Variants in NR5A1 observed in about 807,000 individuals in gnomAD.
NR5A1 encodes nuclear receptor subfamily 5 group A member 1.
A neutral mutation model predicts 42.7 loss-of-function variants in NR5A1; 6 were observed. The ratio of observed to expected loss-of-function variants is 0.14; its 90% confidence interval spans 0.08 to 0.28. The LOEUF (loss-of-function observed/expected upper bound fraction) is 0.28, where lower values mean the gene tolerates loss of function less well. NR5A1 is among the 10% of genes least tolerant of loss of function. The probability of loss-of-function intolerance (pLI) is 1.00; values close to 1 mark genes in which losing one functional copy is unlikely to be tolerated. For synonymous variants in NR5A1, 274 were observed against 277.5 expected (o/e 0.99, Z 0.12); for missense variants, 442 against 626.4 (o/e 0.71, Z 3.14).
chr9:124,483,119 G>C (rs888932532), intron 6 of NR5A1, 114 bp from the exon 7 acceptor site: 1 of 1,596,524 alleles, frequency 6.3e-7, no homozygotes, highest in Non-Finnish European at 8.5e-7. Flanking sequence ...TCAAAGACAT[G>C]GGCATTGCTG....
intron 5 of NR5A1, 90 bp downstream of exon 5, chr9:124,492,940 G>A: frequency 7.0e-7 from 1 of 1,425,100 alleles, no homozygotes; most frequent in Non-Finnish European, 9.3e-7. Flanking sequence ...GCCCCGAGAG[G>A]CCTGGGTCCT....
At chr9:124,502,878 G>A (rs1450128032) in intron 3 of NR5A1, among the ~76,000 whole-genome samples, 1 of 152,184 alleles carries the variant, frequency 6.6e-6, no homozygotes, top group Non-Finnish European at 1.5e-5. Flanking sequence ...CCCAACCCAG[G>A]CTGGCCTTGC....
intron 1 of NR5A1, among the ~76,000 whole-genome samples, chr9:124,504,118 G>A (rs1468129945): frequency 6.6e-6 from 1 of 151,646 alleles, no homozygotes; most frequent in Non-Finnish European, 1.5e-5. Flanking sequence ...AGAGACAGCG[G>A]AGGCCCGAAG....
rs918344265 is a variant in NR5A1 at position 124,501,686 on chromosome 9, A to C, written c.245-971T>G. Among the ~76,000 whole-genome samples, 1 of 152,144 alleles carries C rather than the reference A, an allele frequency of 6.6e-6. No homozygotes were observed. Among genetic ancestry groups the C allele is most frequent in the Non-Finnish European group, 1.5e-5 (1 of 68,022 alleles). ...TTTCTACTGCCCACAACAGCCAGCT[A>C]TCTGGCCCCTTGGGACCTGGCACTA... On this transcript the variant is annotated intron_variant, in intron 3 of 6. Transcript: ENST00000373588. This position sits in a 1 kb window ranked among gnomAD's most constrained non-coding sequence, Gnocchi z 4.1.
chr9:124,486,262 T>C (rs904915946), intron 6 of NR5A1, among the ~76,000 whole-genome samples: 1 of 152,106 alleles, frequency 6.6e-6, no homozygotes, highest in Non-Finnish European at 1.5e-5. Flanking sequence ...TAACGGAGCC[T>C]CAGTGGCTAC....
chr9:124,486,954 A>T (rs535364172), intron 6 of NR5A1, among the ~76,000 whole-genome samples: 1 of 152,294 alleles, frequency 6.6e-6, no homozygotes, highest in South Asian at 2.1e-4. Flanking sequence ...GGGAAAATTC[A>T]TCTCTGCCTC....
intron 6 of NR5A1, among the ~76,000 whole-genome samples, chr9:124,487,896 T>A (rs1471332938): frequency 6.6e-6 from 1 of 152,192 alleles, no homozygotes; most frequent in Non-Finnish European, 1.5e-5. Flanking sequence ...CTGCCTGCCA[T>A]CCTTTTCCCA....
chr9:124,504,976 C>G (rs1273095447), intron 1 of NR5A1, among the ~76,000 whole-genome samples: 2 of 151,188 alleles, frequency 1.3e-5, no homozygotes, highest in African/African-American at 4.8e-5. Flanking sequence ...CCACCCCGCC[C>G]TGCGCCAACC....
chr9:124,488,200 A>AC (rs1832251619), intron 6 of NR5A1, among the ~76,000 whole-genome samples: 1 of 148,610 alleles, frequency 6.7e-6, no homozygotes, highest in East Asian at 2.0e-4. Flanking sequence ...CAGAGCCCCC[A>AC]CCCCCCGGAA....
chr9:124,499,486 A>C lies in NR5A1; in HGVS notation c.870+604T>G, dbSNP rs76306847. Among the ~76,000 whole-genome samples, 31 of 152,342 alleles carry C rather than the reference A, an allele frequency of 2.0e-4. No homozygotes were observed. The East Asian group carries it at 5.4e-3, about 27-fold the overall frequency. On this transcript the variant is annotated intron_variant, in intron 4 of 6. Coordinates refer to ENST00000373588, the MANE Select transcript of NR5A1 (RefSeq NM_004959.5). ...CAGCATACGCAAGATTTGCAGAGGC[A>C]GGAGGATCTTTCACCTTAGCTGGGA...
intron 6 of NR5A1, among the ~76,000 whole-genome samples, chr9:124,486,618 C>T (rs1204346055): frequency 1.3e-5 from 2 of 152,194 alleles, no homozygotes; most frequent in Non-Finnish European, 2.9e-5. Flanking sequence ...AGGATTCCCC[C>T]AGAGAGGCTA....
intron 6 of NR5A1, among the ~76,000 whole-genome samples, chr9:124,484,524 G>A (rs1004925808): frequency 4.6e-5 from 7 of 152,170 alleles, no homozygotes; most frequent in Non-Finnish European, 1.0e-4. Flanking sequence ...GCCAAGGTAG[G>A]TGGGTCACTT....
chr9:124,504,222 C>A (rs955237421), intron 1 of NR5A1, among the ~76,000 whole-genome samples: 1 of 151,970 alleles, frequency 6.6e-6, no homozygotes, highest in African/African-American at 2.4e-5. Flanking sequence ...AGAGACGAGG[C>A]CGGGGAGCTA....
At position 124,501,437 on chromosome 9, in the gene NR5A1, C is replaced by T. The variant is rs115601282; in HGVS notation, c.245-722G>A. On this transcript the variant is annotated intron_variant, in intron 3 of 6. Transcript: ENST00000373588. The surrounding 1 kb of genome is among the most constrained non-coding windows in gnomAD (Gnocchi z 4.1). ...GCCGACTAGAAGCTCCTCCGCCTGG[C>T]GAGGAATGTGTCATCAGCCAGACCC... Among the ~76,000 whole-genome samples, 44 of 152,324 alleles carry T rather than the reference C, an allele frequency of 2.9e-4. No individual in the cohort carries two copies. The highest frequency in any genetic ancestry group is 9.9e-4 in the African/African-American group (41 of 41,568).
At chr9:124,485,515 T>TCCCCCTCCTCCATCCTCCCA (rs1272867818) in intron 6 of NR5A1, among the ~76,000 whole-genome samples, 2 of 152,128 alleles carry the variant, frequency 1.3e-5, no homozygotes, top group African/African-American at 4.8e-5. Context: ...CGGCAGGACC[T>TCCCCCTCCTCCATCCTCCCA]GGCCTCCATC....
At chr9:124,491,017 A>ATCC in intron 6 of NR5A1, 64 bp downstream of exon 6, 1 of 457,440 alleles carries the variant, frequency 2.2e-6, no homozygotes, top group Non-Finnish European at 4.2e-6. Context: ...CTCCAGCCTC[A>ATCC]CCCACCCTCC....
At position 124,498,769 on chromosome 9, in the gene NR5A1, C is replaced by G. The variant is rs1453109598; in HGVS notation, c.870+1321G>C. Among the ~76,000 whole-genome samples the G allele has an allele frequency of 6.6e-6, 1 of 152,180 alleles. No homozygotes were observed. Among genetic ancestry groups the G allele is most frequent in the Non-Finnish European group, 1.5e-5 (1 of 68,018 alleles). On this transcript the variant is annotated intron_variant, in intron 4 of 6. Transcript: ENST00000373588. The surrounding 1 kb of genome is among the most constrained non-coding windows in gnomAD (Gnocchi z 4.6). Reference sequence around the variant, plus strand: ...CTGGGGTGAGAAACCCACCCCATGACAGACACATGGTACATCCCCAGGCCT... The same window carrying G: ...CTGGGGTGAGAAACCCACCCCATGAGAGACACATGGTACATCCCCAGGCCT...
At position 124,500,463 on chromosome 9, in the gene NR5A1, G is replaced by C. The variant is rs755520303; in HGVS notation, c.497C>G (p.Ala166Gly). ...PPAGPLGDFG[A>G]PALPMAVPGA... ...GGGCACGGCCATGGGCAGTGCTGGGGCCCCAAAGTCGCCCAGTGGCCCAGC... is the reference window on the plus strand; with the variant it reads ...GGGCACGGCCATGGGCAGTGCTGGGCCCCCAAAGTCGCCCAGTGGCCCAGC... The change falls in exon 4 of 7, where the codon GCC becomes GGC. Residue 166 changes from alanine (A) to glycine (G), a missense_variant. This residue lies in a region of NR5A1 where 208 missense variants were observed against 203.8 expected (regional missense o/e 1.02). Transcript: ENST00000373588. The surrounding 1 kb of genome is among the most constrained non-coding windows in gnomAD (Gnocchi z 6.9). The C allele has an allele frequency of 6.3e-7, 1 of 1,592,932 alleles. No homozygotes were observed. Among genetic ancestry groups the C allele is most frequent in the South Asian group, 1.1e-5 (1 of 89,272 alleles).
intron 1 of NR5A1, among the ~76,000 whole-genome samples, chr9:124,506,486 A>AG (rs2131293926): frequency 6.6e-6 from 1 of 152,224 alleles, no homozygotes; most frequent in African/African-American, 2.4e-5. Flanking sequence ...GCAGGAGGGA[A>AG]GGGGGTTGGT....
Sources: allele counts gnomAD v4.1 joint callset (sites outside exome capture counted in the v4.1 genomes callset), GRCh38; gene constraint gnomAD v4.1.1; regional missense constraint gnomAD v4.1.1; non-coding constraint Gnocchi (gnomAD v3.1); transcripts MANE v1.5; gene names NCBI Gene and HGNC (gene_info 2026-07-23, HGNC 2026-07-21).